Variants in PCDH15 observed in about 807,000 individuals in gnomAD.
PCDH15 encodes protocadherin related 15, also known as protocadherin-15.
PCDH15 carries 129 observed loss-of-function variants against 178.5 expected under a neutral mutation model. The observed-to-expected ratio is 0.72, with a 90% CI of 0.63 to 0.84. The LOEUF (loss-of-function observed/expected upper bound fraction) is 0.84. Among genes scored for constraint, PCDH15 ranks in the 40% least tolerant of loss-of-function variants. The pLI, the probability that PCDH15 is intolerant of heterozygous loss-of-function variation, is 0.00. For synonymous variants in PCDH15, 800 were observed against 732.0 expected (o/e 1.09, Z -1.50); for missense variants, 2,230 against 2,099.9 (o/e 1.06, Z -1.21).
At chr10:53,965,847 T>A (rs1457987995) in intron 21 of PCDH15, among the ~76,000 whole-genome samples, 1 of 128,580 alleles carries the variant, frequency 7.8e-6, no homozygotes, top group Admixed American at 9.2e-5. Flanking sequence ...ATACTTAGAA[T>A]CTTCTTTTTA....
intron 18 of PCDH15, among the ~76,000 whole-genome samples, chr10:54,060,210 C>G (rs1430882032): frequency 1.3e-5 from 2 of 152,110 alleles, no homozygotes; most frequent in Admixed American, 1.3e-4. Flanking sequence ...AGGATAAACG[C>G]TGTTTATAAT....
At chr10:55,006,364 A>C (rs183979239) in intron 2 of PCDH15, among the ~76,000 whole-genome samples, 18 of 152,134 alleles carry the variant, frequency 1.2e-4, no homozygotes, top group African/African-American at 4.1e-4. Context: ...AGCCATCCAA[A>C]TCAACCACCA....
chr10:55,016,145 A>G (rs932327102), intron 2 of PCDH15, among the ~76,000 whole-genome samples: 1 of 148,524 alleles, frequency 6.7e-6, no homozygotes, highest in African/African-American at 2.5e-5. Context: ...CTAGGTGTAT[A>G]TATTTGTGGG....
At chr10:53,938,711 T>C in intron 25 of PCDH15, 104 bp downstream of exon 25, 2 of 1,238,390 alleles carry the variant, frequency 1.6e-6, no homozygotes, top group African/African-American at 1.5e-5. Context: ...ATGATCTTTC[T>C]ATGTTGTCCA....
intron 16 of PCDH15, among the ~76,000 whole-genome samples, chr10:54,088,079 A>G (rs2094543404): frequency 6.6e-6 from 1 of 152,098 alleles, no homozygotes; most frequent in Admixed American, 6.6e-5. Context: ...AGGCAATTCA[A>G]CCTCTTTTCA....
At chr10:53,814,573 G>A (rs1294914021) in intron 35 of PCDH15, among the ~76,000 whole-genome samples, 1 of 152,032 alleles carries the variant, frequency 6.6e-6, no homozygotes, top group South Asian at 2.1e-4. Context: ...TGAGTAAAGA[G>A]GGATAGGAAC....
chr10:54,960,785 A>C (rs2131883748), intron 2 of PCDH15, among the ~76,000 whole-genome samples: 1 of 152,312 alleles, frequency 6.6e-6, no homozygotes, highest in South Asian at 2.1e-4. Flanking sequence ...GTTATCATAA[A>C]ATTTAAAAGA....
At chr10:55,048,297 G>A (rs72801621) in intron 2 of PCDH15, among the ~76,000 whole-genome samples, 8,176 of 151,756 alleles carry the variant, frequency 0.054, 310 homozygotes, top group Non-Finnish European at 0.081. Flanking sequence ...TTTTCTAAAG[G>A]AGAGTCGCTG....
In PCDH15 at chr10:53,805,968, A is replaced by T. The variant is rs1841124018; in HGVS notation, c.*611T>A. The T allele has an allele frequency of 6.6e-6, 1 of 152,206 alleles. No homozygotes were observed. The highest frequency in any genetic ancestry group is 6.6e-5 in the Admixed American group (1 of 15,262). 9.4% of individuals were successfully genotyped at this position (152,206 alleles called of 1,614,324 possible). A position where few individuals can be genotyped will look rare whatever the true frequency, so the allele number is the denominator to read the frequency against. On this transcript the variant is annotated 3_prime_UTR_variant, in exon 38 of 38. Transcript: ENST00000644397. ...TCAAGTGGTTTCCTAAAGGGTCAAG[A>T]TATAAATGTATTTATGGTAAAATGT...
chr10:54,144,945 A>G (rs1240155647), intron 14 of PCDH15, among the ~76,000 whole-genome samples: 2 of 152,122 alleles, frequency 1.3e-5, no homozygotes, highest in Non-Finnish European at 2.9e-5. Context: ...AATAAACTGG[A>G]GAATTTTTAC....
chr10:55,161,962 G>C (rs1317796042), intron 2 of PCDH15, among the ~76,000 whole-genome samples: 2 of 152,116 alleles, frequency 1.3e-5, no homozygotes, highest in Non-Finnish European at 2.9e-5. Context: ...TGTGGCCCAT[G>C]ATAAAAGAAA....
intron 5 of PCDH15, among the ~76,000 whole-genome samples, chr10:54,357,984 C>T (rs1284543378): frequency 1.3e-5 from 2 of 151,834 alleles, no homozygotes; most frequent in Non-Finnish European, 2.9e-5. Context: ...AAACTGGATC[C>T]CTTCCTTACA....
intron 10 of PCDH15, among the ~76,000 whole-genome samples, chr10:54,205,025 CTAAGT>C (rs2050647754): frequency 6.6e-6 from 1 of 152,054 alleles, no homozygotes; most frequent in African/African-American, 2.4e-5. Flanking sequence ...TCATATCTTC[CTAAGT>C]TTTCAAGTAA....
intron 2 of PCDH15, among the ~76,000 whole-genome samples, chr10:54,612,037 A>C (rs1350808598): frequency 6.6e-6 from 1 of 151,858 alleles, no homozygotes; most frequent in Non-Finnish European, 1.5e-5. Context: ...TCGTTTCTTA[A>C]GGTATATGTG....
At chr10:55,070,555 T>C (rs1240265030) in intron 2 of PCDH15, among the ~76,000 whole-genome samples, 1 of 152,208 alleles carries the variant, frequency 6.6e-6, no homozygotes, top group Non-Finnish European at 1.5e-5. Flanking sequence ...CCATTGCTTG[T>C]TTTTCTCAGG....
At chr10:54,580,551 C>T (rs2090939834) in intron 2 of PCDH15, among the ~76,000 whole-genome samples, 1 of 151,936 alleles carries the variant, frequency 6.6e-6, no homozygotes, top group Non-Finnish European at 1.5e-5. Flanking sequence ...ATTCTACTGA[C>T]ACTATTACAA....
chr10:53,970,706 C>T (rs1042165370), intron 21 of PCDH15, among the ~76,000 whole-genome samples: 20 of 152,022 alleles, frequency 1.3e-4, no homozygotes, highest in African/African-American at 3.9e-4. Flanking sequence ...GGATGAATTC[C>T]TGGACACATA....
At chr10:55,453,397 C>A (rs765517443) in intron 2 of PCDH15, among the ~76,000 whole-genome samples, 3 of 152,106 alleles carry the variant, frequency 2.0e-5, no homozygotes, top group Non-Finnish European at 4.4e-5. Flanking sequence ...AGAAATATGA[C>A]AGAAAAGATG....
chr10:55,078,540 G>C (rs79220076), intron 2 of PCDH15, among the ~76,000 whole-genome samples: 3,912 of 151,858 alleles, frequency 0.026, 91 homozygotes, highest in East Asian at 0.076. Context: ...GACTGACTGG[G>C]TTATTTCAGA....
Sources: allele counts gnomAD v4.1 joint callset (sites outside exome capture counted in the v4.1 genomes callset), GRCh38; gene constraint gnomAD v4.1.1; transcripts MANE v1.5; gene names NCBI Gene and HGNC (gene_info 2026-07-23, HGNC 2026-07-21).